Variants in CPNE8 observed in about 807,000 individuals in gnomAD.
CPNE8 encodes copine-8.
In CPNE8, 45 loss-of-function variants were observed where a neutral mutation model predicts 81.5. The observed-to-expected ratio is 0.55, with a 90% CI of 0.44 to 0.71. The LOEUF (loss-of-function observed/expected upper bound fraction) is 0.71, where lower values mean the gene tolerates loss of function less well. Among genes scored for constraint, CPNE8 ranks in the 30% least tolerant of loss-of-function variants. CPNE8 has a pLI of 0.00. For synonymous variants in CPNE8, 252 were observed against 226.3 expected (o/e 1.11, Z -1.02); for missense variants, 594 against 672.1 (o/e 0.88, Z 1.28).
intron 6 of CPNE8, among the ~76,000 whole-genome samples, chr12:38,819,505 C>T (rs1329425743): frequency 2.0e-5 from 3 of 152,052 alleles, no homozygotes; most frequent in Non-Finnish European, 4.4e-5. Context: ...CGGTGGCTCA[C>T]GTCTGTAATT....
intron 10 of CPNE8, among the ~76,000 whole-genome samples, chr12:38,752,906 T>C (rs1941381972): frequency 2.0e-5 from 3 of 152,202 alleles, no homozygotes; most frequent in African/African-American, 7.2e-5. Context: ...ACATTATCGG[T>C]ATTTAGATAT....
chr12:38,809,131 A>C (rs991740277), intron 6 of CPNE8, among the ~76,000 whole-genome samples: 3 of 152,160 alleles, frequency 2.0e-5, no homozygotes, highest in African/African-American at 7.2e-5. Context: ...AAATTATCTC[A>C]AGTTTAGCAG....
intron 14 of CPNE8, among the ~76,000 whole-genome samples, chr12:38,695,969 G>A (rs1008695779): frequency 2.6e-5 from 4 of 151,864 alleles, no homozygotes; most frequent in African/African-American, 7.3e-5. Flanking sequence ...ACAAACAAAC[G>A]AATACTTCCC....
intron 6 of CPNE8, among the ~76,000 whole-genome samples, chr12:38,824,677 G>A (rs1943161712): frequency 6.6e-6 from 1 of 152,064 alleles, no homozygotes. Context: ...AGAGGTACTT[G>A]GATAATGCTA....
intron 6 of CPNE8, among the ~76,000 whole-genome samples, chr12:38,798,814 C>T (rs1024564034): frequency 6.6e-6 from 1 of 152,086 alleles, no homozygotes; most frequent in East Asian, 1.9e-4. Flanking sequence ...ATCTCACATG[C>T]AGAGACACAC....
At chr12:38,847,439 C>T (rs760782120) in intron 4 of CPNE8, among the ~76,000 whole-genome samples, 10 of 152,204 alleles carry the variant, frequency 6.6e-5, no homozygotes, top group Non-Finnish European at 1.2e-4. Context: ...TTAGTGGCAA[C>T]GCTATGTGCA....
chr12:38,793,602 T>C (rs1322499223), intron 6 of CPNE8, among the ~76,000 whole-genome samples: 2 of 151,976 alleles, frequency 1.3e-5, no homozygotes, highest in Non-Finnish European at 2.9e-5. Flanking sequence ...CTCATGTTCA[T>C]AGATTGGAAG....
At chr12:38,708,542 A>T (rs1180043655) in intron 13 of CPNE8, among the ~76,000 whole-genome samples, 2 of 152,214 alleles carry the variant, frequency 1.3e-5, no homozygotes, top group Non-Finnish European at 2.9e-5. Context: ...AGTTAGCAGC[A>T]TTATATTTTA....
chr12:38,721,831 T>A (rs1940572571), intron 13 of CPNE8, among the ~76,000 whole-genome samples: 1 of 152,204 alleles, frequency 6.6e-6, no homozygotes. Flanking sequence ...AAGCTGCTTG[T>A]GGTGCGTCTG....
chr12:38,902,333 AAAGAAAGAAAG>A (rs1307808683), intron 1 of CPNE8, among the ~76,000 whole-genome samples: 6 of 77,302 alleles, frequency 7.8e-5, no homozygotes, highest in Admixed American at 3.8e-4. Context: ...AGAAAGAAAG[AAAGAAAGAAAG>A]AAAGAAAGAA....
rs187640709 is a variant in CPNE8, at chr12:38,744,671, G to A, written c.723-14313C>T. On this transcript the variant is annotated intron_variant, in intron 10 of 19. Transcript: ENST00000331366. ...TCTGAAGGCTCCACATTCTGAAGCT[G>A]TCATCTAGGCAAACTTCGGCAAGAA... 5.2e-3 allele frequency among the ~76,000 whole-genome samples: 788 copies of A among 152,210 alleles called. 2 individuals carry two copies. The highest frequency in any genetic ancestry group is 7.9e-3 in the Non-Finnish European group (537 of 68,022).
At chr12:38,799,759 C>A (rs1181080725) in intron 6 of CPNE8, among the ~76,000 whole-genome samples, 1 of 145,068 alleles carries the variant, frequency 6.9e-6, no homozygotes, top group Non-Finnish European at 1.6e-5. Flanking sequence ...GTTCATCTCA[C>A]TAGGGAGTGC....
chr12:38,825,213 C>T (rs1271374473), intron 6 of CPNE8, among the ~76,000 whole-genome samples: 1 of 152,194 alleles, frequency 6.6e-6, no homozygotes, highest in South Asian at 2.1e-4. Context: ...AGCTTCCTGT[C>T]ACGAGAAGAA....
At chr12:38,761,652 G>GA (rs1228204810) in intron 9 of CPNE8, among the ~76,000 whole-genome samples, 3 of 152,002 alleles carry the variant, frequency 2.0e-5, no homozygotes, top group Non-Finnish European at 4.4e-5. Context: ...AGTTTCATAA[G>GA]AAAAAAACTT....
In CPNE8 at chr12:38,807,583, C is replaced by T. The variant is rs1008293953; in HGVS notation, c.407+21796G>A. 7.3e-5 allele frequency among the ~76,000 whole-genome samples: 11 copies of T among 151,000 alleles called. 1 individual carries two copies. Among genetic ancestry groups the T allele is most frequent in the Admixed American group, 6.6e-5 (1 of 15,072 alleles). ...GCTGAAACTGGATCCCTTCCTTACACCTTATACAAAAATTAATTCAAGATG... is the reference window on the plus strand; with the variant it reads ...GCTGAAACTGGATCCCTTCCTTACATCTTATACAAAAATTAATTCAAGATG... On this transcript the variant is annotated intron_variant, in intron 6 of 19. Coordinates refer to ENST00000331366, the MANE Select transcript of CPNE8 (RefSeq NM_153634.3).
chr12:38,709,674 C>T (rs1414958405), intron 13 of CPNE8, among the ~76,000 whole-genome samples: 3 of 152,100 alleles, frequency 2.0e-5, no homozygotes, highest in Admixed American at 2.0e-4. Flanking sequence ...TCTTTGAATA[C>T]TGGATTGTAT....
chr12:38,694,563 A>G (rs544664222), intron 14 of CPNE8, among the ~76,000 whole-genome samples: 1 of 152,230 alleles, frequency 6.6e-6, no homozygotes, highest in Non-Finnish European at 1.5e-5. Context: ...CAGTTATTAT[A>G]GTCTGGGTCA....
intron 19 of CPNE8, among the ~76,000 whole-genome samples, chr12:38,664,807 T>C (rs1440800081): frequency 6.6e-6 from 1 of 152,120 alleles, no homozygotes; most frequent in African/African-American, 2.4e-5. Flanking sequence ...ATACATCACA[T>C]TTAGCTTAGG....
chr12:38,892,103 G>T (rs1944321710), intron 1 of CPNE8, among the ~76,000 whole-genome samples: 1 of 152,146 alleles, frequency 6.6e-6, no homozygotes, highest in East Asian at 1.9e-4. Flanking sequence ...TTGACAACCA[G>T]GCAAGGAGAG....
Sources: allele counts gnomAD v4.1 joint callset (sites outside exome capture counted in the v4.1 genomes callset), GRCh38; gene constraint gnomAD v4.1.1; transcripts MANE v1.5; gene names NCBI Gene and HGNC (gene_info 2026-07-23, HGNC 2026-07-21).